SALL2: variants seen among roughly 807,000 people sequenced by gnomAD.
The protein encoded by SALL2 is sal-like protein 2.
SALL2 carries 32 observed loss-of-function variants against 58.5 expected under a neutral mutation model. The ratio of observed to expected loss-of-function variants is 0.55; its 90% CI spans 0.41 to 0.74. The LOEUF (loss-of-function observed/expected upper bound fraction) is 0.74. Ranked by LOEUF, SALL2 falls within the 30% of genes least tolerant of loss-of-function variation. SALL2 has a pLI of 0.00. For synonymous variants in SALL2, 516 were observed against 513.6 expected, an observed-to-expected ratio of 1.00 and a Z score of -0.06; for missense variants, 1,201 against 1,268.9, an observed-to-expected ratio of 0.95 and a Z score of 0.81.
Position 21,521,387 on chromosome 14 carries a change from G to C in SALL2, c.*1317C>G, listed in dbSNP as rs1375165870. The C allele has an allele frequency of 6.6e-6, 1 of 152,244 alleles. No individual in the cohort carries two copies. Among genetic ancestry groups the C allele is most frequent in the Admixed American group, 6.5e-5 (1 of 15,282 alleles). 9.4% of individuals were successfully genotyped at this position (152,244 alleles called of 1,614,324 possible). Reference sequence around the variant, plus strand: ...GACAAAGACACAAGCCCCAGCCTACGGATAGGCAAAATGGGTAGGGGTCTT... The same window carrying C: ...GACAAAGACACAAGCCCCAGCCTACCGATAGGCAAAATGGGTAGGGGTCTT... On this transcript the variant is annotated 3_prime_UTR_variant, in exon 2 of 2. Coordinates refer to ENST00000537235, the MANE Select transcript of SALL2 (RefSeq NM_001364564.1).
upstream of SALL2, among the ~76,000 whole-genome samples, chr14:21,530,023 A>C (rs1892415838): frequency 6.6e-6 from 1 of 152,156 alleles, no homozygotes; most frequent in Non-Finnish European, 1.5e-5. Context: ...AAACTTGGCC[A>C]CAATTGGGAC....
At position 21,522,782 on chromosome 14, in the gene SALL2, TAG is replaced by T; in HGVS notation, c.2938_2939del (p.Leu980SerfsTer21). On this transcript the variant is annotated frameshift_variant, in exon 2 of 2. Transcript: ENST00000537235. LOFTEE classifies it high-confidence loss of function. ...TGATGGAAGGCGAACAGCCAGGGAC[TAG>T]AGAAAGAGCAGCAATATTCTGAGGG... ...HGPQNIAALS[L>X]VPGCSPSITS... The T allele has an allele frequency of 6.3e-7, 1 of 1,592,916 alleles. No individual in the cohort carries two copies. Among genetic ancestry groups the T allele is most frequent in the Non-Finnish European group, 8.5e-7 (1 of 1,171,030 alleles).
Position 21,522,322 on chromosome 14 carries a change from A to G in SALL2, c.*382T>C. ...AGGAGTGGCACTGGGCCCTCCAGAGACAGCTGCCAGCCCTTTTTGGCTAGG... is the reference window on the plus strand; with the variant it reads ...AGGAGTGGCACTGGGCCCTCCAGAGGCAGCTGCCAGCCCTTTTTGGCTAGG... On this transcript the variant is annotated 3_prime_UTR_variant, in exon 2 of 2. Coordinates refer to ENST00000537235, the MANE Select transcript of SALL2 (RefSeq NM_001364564.1). The G allele has an allele frequency of 2.7e-6, 4 of 1,476,904 alleles. No homozygotes were observed. Among genetic ancestry groups the G allele is most frequent in the Non-Finnish European group, 3.6e-6 (4 of 1,114,888 alleles). The allele number at this position is 1,476,904 out of a possible 1,614,324, so 91.5% of individuals were successfully genotyped here.
intron 1 of SALL2, 39 bp downstream of exon 1, chr14:21,526,022 C>G: frequency 7.3e-7 from 1 of 1,375,042 alleles, no homozygotes. Context: ...CATCCCCCTC[C>G]GCCCCCACCC....
intron 1 of SALL2, among the ~76,000 whole-genome samples, chr14:21,535,085 C>G (rs1351703700): frequency 6.6e-6 from 1 of 152,092 alleles, no homozygotes; most frequent in Non-Finnish European, 1.5e-5. Flanking sequence ...GTGGCTCACG[C>G]CTGTAATCCC....
chr14:21,535,438 C>T (rs985299867), intron 1 of SALL2, among the ~76,000 whole-genome samples: 3 of 152,014 alleles, frequency 2.0e-5, no homozygotes, highest in African/African-American at 7.2e-5. Flanking sequence ...GGTCATACTA[C>T]AGCACTTGCA....
intron 1 of SALL2, 42 bp downstream of exon 1, chr14:21,526,019 C>A: frequency 1.5e-6 from 2 of 1,374,372 alleles, no homozygotes; most frequent in Non-Finnish European, 2.0e-6. Flanking sequence ...GCGCATCCCC[C>A]TCCGCCCCCA....
rs1360255683 is a variant in SALL2, at chr14:21,525,848, G to A, written c.68-194C>T. Among the ~76,000 whole-genome samples, 1 of 149,866 alleles carries A rather than the reference G, an allele frequency of 6.7e-6. No individual in the cohort carries two copies. The highest frequency in any genetic ancestry group is 1.5e-5 in the Non-Finnish European group (1 of 67,026). ...ACAACCCGGCATGGGGCAGGGGGGTGGGGAGGGAGGAGGGGAGGGGGGCAA... is the reference window on the plus strand; with the variant it reads ...ACAACCCGGCATGGGGCAGGGGGGTAGGGAGGGAGGAGGGGAGGGGGGCAA... On this transcript the variant is annotated intron_variant, in intron 1 of 1. Transcript: ENST00000537235. This position sits in a 1 kb window ranked among gnomAD's most constrained non-coding sequence, Gnocchi z 4.4.
chr14:21,535,264 G>A (rs1384502934), intron 1 of SALL2, among the ~76,000 whole-genome samples: 2 of 150,740 alleles, frequency 1.3e-5, no homozygotes, highest in Admixed American at 6.6e-5. Flanking sequence ...AGAATGGCGT[G>A]AACCTGGGAG....
At chr14:21,536,596 G>C (rs896329631) in intron 1 of SALL2, among the ~76,000 whole-genome samples, 4 of 152,258 alleles carry the variant, frequency 2.6e-5, no homozygotes, top group African/African-American at 7.2e-5. Flanking sequence ...TGGGGAGACA[G>C]AGCCAGTTTG....
rs772790713 is a variant in SALL2, at chr14:21,524,226, G to A, written c.1496C>T (p.Thr499Met). 62 of 1,612,704 alleles carry A rather than the reference G, an allele frequency of 3.8e-5. No individual in the cohort carries two copies. The highest frequency in any genetic ancestry group is 1.7e-4 in the Middle Eastern group (1 of 6,032). Reference sequence around the variant, plus strand: ...ATTGAAAGCAGGGAGTCCTGGAGCCGTGGCTGTGCCTGCACTGGTGGAGAG... The same window carrying A: ...ATTGAAAGCAGGGAGTCCTGGAGCCATGGCTGTGCCTGCACTGGTGGAGAG... ...TLLSTSAGTA[T>M]APGLPAFNKF... Residue 499 changes from threonine (T) to methionine (M), a missense_variant, in exon 2 of 2, where the codon ACG becomes ATG. Physicochemically the swap from Thr to Met is moderately conservative, Grantham distance 81. Around this residue, in one of 3 missense-constraint regions of SALL2, gnomAD observed 675 missense variants for 683.8 expected, o/e 0.99. Coordinates refer to ENST00000537235, the MANE Select transcript of SALL2 (RefSeq NM_001364564.1).
Position 21,524,338 on chromosome 14 carries a change from C to G in SALL2, c.1384G>C (p.Glu462Gln). ...MSVPPEKAEE[E>Q]AATPGGGVER... ...ACCCCTCCACCTGGAGTGGCTGCCT[C>G]CTCCTCGGCCTTCTCTGGTGGCACG... Residue 462 changes from glutamate (E) to glutamine (Q), a missense_variant, in exon 2 of 2, where the codon GAG (glutamate) becomes CAG (glutamine). Physicochemically the swap from Glu to Gln is conservative, Grantham distance 29. Coordinates refer to ENST00000537235, the MANE Select transcript of SALL2 (RefSeq NM_001364564.1). The G allele has an allele frequency of 1.9e-6, 3 of 1,613,982 alleles. No homozygotes were observed. Among genetic ancestry groups the G allele is most frequent in the South Asian group, 1.1e-5 (1 of 91,074 alleles).
Position 21,523,611 on chromosome 14 carries a change from A to G in SALL2, c.2111T>C (p.Leu704Pro). Residue 704 changes from leucine (L) to proline (P), a missense_variant, in exon 2 of 2, where the codon CTG (leucine) becomes CCG (proline). This residue lies in a region of SALL2 where 675 missense variants were observed against 683.8 expected (regional missense o/e 0.99). Coordinates refer to ENST00000537235, the MANE Select transcript of SALL2 (RefSeq NM_001364564.1). The surrounding 1 kb of genome is among the most constrained non-coding windows in gnomAD (Gnocchi z 4.4). ...CQKKFTNAVT[L>P]QQHVRMHLGG... ...CAGGTGCATCCGGACATGCTGCTGCAGAGTGACAGCATTGGTGAACTTCTT... is the reference window on the plus strand; with the variant it reads ...CAGGTGCATCCGGACATGCTGCTGCGGAGTGACAGCATTGGTGAACTTCTT... 1 of 1,614,260 alleles carries G rather than the reference A, an allele frequency of 6.2e-7. No individual in the cohort carries two copies. The highest frequency in any genetic ancestry group is 8.5e-7 in the Non-Finnish European group (1 of 1,180,050).
upstream of SALL2, chr14:21,526,428 A>G: frequency 7.9e-7 from 1 of 1,263,254 alleles, no homozygotes. Flanking sequence ...GGGAGAAGGG[A>G]GCGCTAGCGG....
chr14:21,522,334 C>T lies in SALL2; in HGVS notation c.*370G>A. On this transcript the variant is annotated 3_prime_UTR_variant, in exon 2 of 2. Transcript: ENST00000537235. ...GGGCCCTCCAGAGACAGCTGCCAGC[C>T]CTTTTTGGCTAGGCTGCAATGCCAA... is the stretch of plus-strand genomic sequence containing the variant. 4.8e-6 allele frequency: 7 copies of T among 1,462,664 alleles called. No homozygotes were observed. The highest frequency in any genetic ancestry group is 6.3e-6 in the Non-Finnish European group (7 of 1,108,982). The allele number at this position is 1,462,664 out of a possible 1,614,324, so 90.6% of individuals were successfully genotyped here. A position where few individuals can be genotyped will look rare whatever the true frequency, so the allele number is the denominator to read the frequency against.
In SALL2 at chr14:21,523,856, G is replaced by A. The variant is rs866808905; in HGVS notation, c.1866C>T (p.Ser622=). 8.1e-6 allele frequency: 13 copies of A among 1,614,098 alleles called. No individual in the cohort carries two copies. The African/African-American group carries it at 1.3e-4, about 17-fold the overall frequency. The change falls in exon 2 of 2, where the codon TCC becomes TCT. Residue 622 remains serine (S), a synonymous_variant. Transcript: ENST00000537235. This position sits in a 1 kb window ranked among gnomAD's most constrained non-coding sequence, Gnocchi z 4.4. ...APTTSAPAPS[S]SASSGPNQCV... ...ACTGGTTAGGTCCAGAAGAGGCTGA[G>A]GATGAAGGTGCAGGGGCAGAGGTGG...
At chr14:21,536,926 G>T (rs770500436) in intron 1 of SALL2, 20 of 1,613,752 alleles carry the variant, frequency 1.2e-5, no homozygotes, top group Non-Finnish European at 1.7e-5. Flanking sequence ...AGACATTCCC[G>T]GGTAGAGAGT....
At position 21,522,848 on chromosome 14, in the gene SALL2, G is replaced by T. The variant is rs78350466; in HGVS notation, c.2874C>A (p.Leu958=). 2.3e-4 allele frequency: 375 copies of T among 1,610,828 alleles called. 2 individuals are homozygous for T. The African/African-American group carries it at 4.5e-3, about 19-fold the overall frequency. ...LERATLKKHM[L]LAHHQVQPFA... is the part of the protein sequence containing the mutation. ...AGGGCTGTACCTGGTGGTGTGCCAG[G>T]AGCATATGCTTCTTGAGGGTAGCCC... The change falls in exon 2 of 2, where the codon CTC becomes CTA. Residue 958 remains leucine, a synonymous_variant. Coordinates refer to ENST00000537235, the MANE Select transcript of SALL2 (RefSeq NM_001364564.1).
Position 21,522,409 on chromosome 14 carries a change from A to AG in SALL2, c.*294dup. On this transcript the variant is annotated 3_prime_UTR_variant, in exon 2 of 2. Coordinates refer to ENST00000537235, the MANE Select transcript of SALL2 (RefSeq NM_001364564.1). ...CAAAGGGAAAGGGAGAGGAGAGAGG[A>AG]GGGGGAAGAAGGGTCACACCAGGGA... The AG allele has an allele frequency of 7.1e-7, 1 of 1,414,524 alleles. No individual in the cohort carries two copies. The highest frequency in any genetic ancestry group is 9.2e-7 in the Non-Finnish European group (1 of 1,087,492). The allele number at this position is 1,414,524 out of a possible 1,614,324, so 87.6% of individuals were successfully genotyped here. A position where few individuals can be genotyped will look rare whatever the true frequency, so the allele number is the denominator to read the frequency against.
Sources: allele counts gnomAD v4.1 joint callset (sites outside exome capture counted in the v4.1 genomes callset), GRCh38; gene constraint gnomAD v4.1.1; regional missense constraint gnomAD v4.1.1; non-coding constraint Gnocchi (gnomAD v3.1); transcripts MANE v1.5; gene names NCBI Gene and HGNC (gene_info 2026-07-23, HGNC 2026-07-21).